Variants in GK5 observed in about 807,000 individuals in gnomAD.
The protein encoded by GK5 is ATP:glycerol 3-phosphotransferase 5.
In GK5, 39 loss-of-function variants were observed where a neutral mutation model predicts 77.3. The observed-to-expected ratio is 0.50, with a 90% CI of 0.39 to 0.66. The LOEUF is 0.66. Among genes scored for constraint, GK5 ranks in the 30% least tolerant of loss-of-function variants. The pLI is 0.00. For synonymous variants in GK5, 211 were observed against 208.0 expected (o/e 1.01, Z -0.13); for missense variants, 487 against 633.8 (o/e 0.77, Z 2.49).
Position 142,186,483 on chromosome 3 carries a change from G to T in GK5, c.650C>A (p.Ala217Asp). ...GSVYATDFSN[A>D]STTGLFDPYK... is the part of the protein sequence containing the mutation. ...TGGGTCAAAAAGTCCAGTTGTACTAGCATTTGAAAAATCTGTGGCATATAC... is the reference window on the plus strand; with the variant it reads ...TGGGTCAAAAAGTCCAGTTGTACTATCATTTGAAAAATCTGTGGCATATAC... Residue 217 changes from alanine to aspartate, a missense_variant, in exon 7 of 16, where the codon GCT becomes GAT. Coordinates refer to ENST00000392993, the MANE Select transcript of GK5 (RefSeq NM_001039547.3). 1 of 1,554,478 alleles carries T rather than the reference G, an allele frequency of 6.4e-7. No individual in the cohort carries two copies. Among genetic ancestry groups the T allele is most frequent in the Non-Finnish European group, 8.7e-7 (1 of 1,147,534 alleles).
Position 142,215,647 on chromosome 3 carries a change from C to A in GK5, c.193G>T (p.Asp65Tyr). Residue 65 changes from aspartate (D) to tyrosine (Y), a missense_variant, in exon 2 of 16, where the codon GAT (aspartate) becomes TAT (tyrosine). Asp to Tyr is a radical substitution (Grantham distance 160). Around this residue, in one of 4 missense-constraint regions of GK5, gnomAD observed 97 missense variants for 86.9 expected, o/e 1.12. Coordinates refer to ENST00000392993, the MANE Select transcript of GK5 (RefSeq NM_001039547.3). ...GCAACAAATTGAATCCAAAGAACAT[C>A]AGGATCAATTTCTACCCAGCCAATT... ...PQIGWVEIDP[D>Y]VLWIQFVAVI... 6.3e-7 allele frequency: 1 copy of A among 1,599,680 alleles called. No individual in the cohort carries two copies. The highest frequency in any genetic ancestry group is 2.2e-5 in the East Asian group (1 of 44,636).
intron 5 of GK5, among the ~76,000 whole-genome samples, chr3:142,196,479 T>C (rs2063935173): frequency 6.6e-6 from 1 of 152,188 alleles, no homozygotes; most frequent in Non-Finnish European, 1.5e-5. Flanking sequence ...TCCTTCTAAG[T>C]ACTTTATCTG....
chr3:142,203,392 C>T (rs943479157), intron 4 of GK5, among the ~76,000 whole-genome samples: 1 of 152,146 alleles, frequency 6.6e-6, no homozygotes, highest in African/African-American at 2.4e-5. Context: ...TCAAGTAAAA[C>T]TGATGCTGTA....
chr3:142,182,984 G>C lies in GK5; in HGVS notation c.882C>G (p.Thr294=), dbSNP rs1560216348. The change falls in exon 10 of 16, where the codon ACC becomes ACG. Residue 294 remains threonine (T), a synonymous_variant. Coordinates refer to ENST00000392993, the MANE Select transcript of GK5 (RefSeq NM_001039547.3). ...TATCCAAAAATGTCCCAGTTCCCAT[G>C]GTTAATTTCACATCACCTGTCTGGA... The part of the protein sequence containing the change: ...CCFQTGDVKL[T]MGTGTFLDIN... 2 of 1,612,750 alleles carry C rather than the reference G, an allele frequency of 1.2e-6. No homozygotes were observed. Among genetic ancestry groups the C allele is most frequent in the South Asian group, 2.2e-5 (2 of 91,044 alleles).
At position 142,198,925 on chromosome 3, in the gene GK5, G is replaced by A; in HGVS notation, c.420C>T (p.His140=). 3.7e-6 allele frequency: 6 copies of A among 1,606,320 alleles called. No homozygotes were observed. Among genetic ancestry groups the A allele is most frequent in the Non-Finnish European group, 4.3e-6 (5 of 1,176,156 alleles). The change falls in exon 5 of 16, where the codon CAC becomes CAT. Residue 140 remains histidine, a synonymous_variant. Transcript: ENST00000392993. ...WNNSLLMKIF[H]SSCRVLHFFT... The stretch of plus-strand genomic sequence containing the variant: ...AAAAGTGAAGCACTCGGCAAGAACT[G>A]TGAAATATCTATATTTTAAAAAACA...
At chr3:142,170,158 C>A (rs2063518729) in intron 15 of GK5, 167 bp downstream of exon 15, 1 of 762,688 alleles carries the variant, frequency 1.3e-6, no homozygotes. Context: ...GACTCACCAA[C>A]AGAGGAGGTC....
rs144072673 is a variant in GK5, at chr3:142,165,470, T to C, written c.*152A>G. 49 of 532,234 alleles carry C rather than the reference T, an allele frequency of 9.2e-5. No homozygotes were observed. The highest frequency in any genetic ancestry group is 7.8e-4 in the African/African-American group (40 of 51,216). The allele number at this position is 532,234 out of a possible 1,614,324, so 33.0% of individuals were successfully genotyped here. A position where few individuals can be genotyped will look rare whatever the true frequency, so the allele number is the denominator to read the frequency against. On this transcript the variant is annotated 3_prime_UTR_variant, in exon 16 of 16. Coordinates refer to ENST00000392993, the MANE Select transcript of GK5 (RefSeq NM_001039547.3). ...AAAAAAATAAGAGTTTTTTGTTCCG[T>C]TTTGTTTTTTTAAAAGCAATGCTTC...
chr3:142,188,027 G>A (rs998672814), intron 5 of GK5, among the ~76,000 whole-genome samples: 2 of 151,868 alleles, frequency 1.3e-5, no homozygotes, highest in African/African-American at 4.8e-5. Context: ...TGTATACCAA[G>A]CATGCGTTAG....
In GK5 at chr3:142,204,753, C is replaced by T; in HGVS notation, c.353G>A (p.Trp118Ter). The change falls in exon 4 of 16, where the codon TGG (tryptophan) becomes TAG (stop). Residue 118 changes from tryptophan to a stop codon, truncating the protein, a stop_gained. Coordinates refer to ENST00000392993, the MANE Select transcript of GK5 (RefSeq NM_001039547.3). LOFTEE classifies it high-confidence loss of function. ...AAGTTCAACAGCTCTTAAGTCTTGC[C>T]AACTTATAAAGTTGTGAAAATGATT... ...TGNHFHNFIS[W>*]QDLRAVELVK... 1 of 1,582,796 alleles carries T rather than the reference C, an allele frequency of 6.3e-7. No homozygotes were observed. Among genetic ancestry groups the T allele is most frequent in the Non-Finnish European group, 8.6e-7 (1 of 1,157,832 alleles).
chr3:142,225,411 C>A lies in GK5; in HGVS notation c.45G>T (p.Pro15=). 1 of 1,600,888 alleles carries A rather than the reference C, an allele frequency of 6.2e-7. No individual in the cohort carries two copies. Among genetic ancestry groups the A allele is most frequent in the Non-Finnish European group, 8.5e-7 (1 of 1,176,288 alleles). ...LTDPEQRAQE[P]RYPGFVLGLD... ...GCCCCAGCACGAAGCCGGGGTACCG[C>A]GGCTCCTGCGCTCTCTGCTCCGGGT... The change falls in exon 1 of 16, where the codon CCG becomes CCT. Residue 15 remains proline (P), a synonymous_variant. Coordinates refer to ENST00000392993, the MANE Select transcript of GK5 (RefSeq NM_001039547.3).
intron 3 of GK5, among the ~76,000 whole-genome samples, chr3:142,212,575 G>A (rs1221520678): frequency 6.6e-6 from 1 of 151,968 alleles, no homozygotes; most frequent in Non-Finnish European, 1.5e-5. Flanking sequence ...CATGTTGAAG[G>A]CAATATGGGG....
In GK5 at chr3:142,213,558, T is replaced by C. The variant is rs1272116034; in HGVS notation, c.285A>G (p.Ser95=). 5 of 1,612,384 alleles carry C rather than the reference T, an allele frequency of 3.1e-6. No homozygotes were observed. The South Asian group carries it at 5.5e-5, about 18-fold the overall frequency. Residue 95 remains serine (S), a synonymous_variant, in exon 3 of 16, where the codon TCA becomes TCG. Transcript: ENST00000392993. ...ACGTAATAAAAGTTGCTCTCTGTGT[T>C]GAAATGCCAAGACCAACAATTTGAT... is the stretch of plus-strand genomic sequence containing the variant. The part of the protein sequence containing the change: ...QMNQIVGLGI[S]TQRATFITWN...
intron 9 of GK5, among the ~76,000 whole-genome samples, chr3:142,183,789 G>A (rs1489778878): frequency 6.6e-6 from 1 of 151,368 alleles, no homozygotes; most frequent in African/African-American, 2.4e-5. Context: ...TGTAGAGATG[G>A]GGTTTCACTC....
intron 5 of GK5, among the ~76,000 whole-genome samples, chr3:142,194,004 G>C (rs997788555): frequency 6.6e-6 from 1 of 152,050 alleles, no homozygotes; most frequent in African/African-American, 2.4e-5. Flanking sequence ...GCCTCCCAAA[G>C]TGCTGGGATT....
chr3:142,178,160 T>C lies in GK5; in HGVS notation c.1049-584A>G, dbSNP rs138135218. Among the ~76,000 whole-genome samples, 975 of 152,272 alleles carry C rather than the reference T, an allele frequency of 6.4e-3. 9 individuals are homozygous for C. The highest frequency in any genetic ancestry group is 0.022 in the African/African-American group (906 of 41,544). On this transcript the variant is annotated intron_variant, in intron 11 of 15. Coordinates refer to ENST00000392993, the MANE Select transcript of GK5 (RefSeq NM_001039547.3). ...GGCGTGAGCCGCCACACCTGGCTGC[T>C]TTTTCCTTTAAAGATATTTGGGCTG...
At chr3:142,186,724 G>A (rs931265819) in intron 6 of GK5, among the ~76,000 whole-genome samples, 3 of 148,856 alleles carry the variant, frequency 2.0e-5, no homozygotes, top group Non-Finnish European at 4.4e-5. Flanking sequence ...TCTGCCTCCC[G>A]GGTTCAAGTG....
chr3:142,180,434 C>G (rs1021449622), intron 11 of GK5, among the ~76,000 whole-genome samples: 1 of 151,922 alleles, frequency 6.6e-6, no homozygotes, highest in Middle Eastern at 3.2e-3. Context: ...TCCAGAGTAG[C>G]TGGGATTACA....
At chr3:142,168,350 G>C (rs2063497005) in intron 15 of GK5, among the ~76,000 whole-genome samples, 1 of 151,900 alleles carries the variant, frequency 6.6e-6, no homozygotes, top group Non-Finnish European at 1.5e-5. Context: ...AAATGGGATT[G>C]ATTAAGGGAA....
At chr3:142,202,996 T>C (rs1381953598) in intron 4 of GK5, among the ~76,000 whole-genome samples, 1 of 152,174 alleles carries the variant, frequency 6.6e-6, no homozygotes, top group Admixed American at 6.5e-5. Context: ...ATTTTTCTTT[T>C]CAAATCACAA....
Sources: gnomAD v4.1 joint callset for allele counts (sites outside exome capture counted in the v4.1 genomes callset) on GRCh38, gnomAD v4.1.1 for gene constraint, gnomAD v4.1.1 regional missense constraint, MANE v1.5 for transcripts, NCBI Gene and HGNC (gene_info 2026-07-23, HGNC 2026-07-21) for gene names.